Variants in IL12RB1 observed in about 807,000 individuals in gnomAD.
IL12RB1 encodes interleukin-12 receptor subunit beta-1.
Under a neutral mutation model 94.4 loss-of-function variants are expected in IL12RB1, and 64 were observed. The observed-to-expected ratio is 0.68, with a 90% CI of 0.55 to 0.83. IL12RB1 has a LOEUF of 0.83. IL12RB1 is among the 40% of genes least tolerant of loss of function. The pLI, the probability that IL12RB1 is intolerant of heterozygous loss-of-function variation, is 0.00. For synonymous variants in IL12RB1, 362 were observed against 355.5 expected, an observed-to-expected ratio of 1.02 and a Z score of -0.21; for missense variants, 814 against 855.6, an observed-to-expected ratio of 0.95 and a Z score of 0.61.
rs150902462 is a variant in IL12RB1, at chr19:18,097,071, T to C, written c.-230+1684A>G. On this transcript the variant is annotated intron_variant, in intron 1 of 4. Transcript: ENST00000594176. The stretch of plus-strand genomic sequence containing the variant: ...GTTTTTAAAATATTATTTCTCTTGA[T>C]GGCTGAGTTTTGTGGGGCCACCTTA... 2.2e-3 allele frequency among the ~76,000 whole-genome samples: 330 copies of C among 152,310 alleles called. 1 individual carries two copies. The highest frequency in any genetic ancestry group is 0.01 in the Middle Eastern group (3 of 294).
upstream of IL12RB1, among the ~76,000 whole-genome samples, chr19:18,088,784 CTT>C (rs1477021326): frequency 6.6e-6 from 1 of 151,954 alleles, no homozygotes; most frequent in Non-Finnish European, 1.5e-5. Context: ...AATTCCAACA[CTT>C]TGGGAGGCCG....
chr19:18,077,762 A>T, intron 4 of IL12RB1, 107 bp from the exon 5 acceptor site: 1 of 758,840 alleles, frequency 1.3e-6, no homozygotes, highest in East Asian at 2.5e-5. Context: ...CCTAAATATG[A>T]ATTAGGGGAC....
intron 2 of IL12RB1, among the ~76,000 whole-genome samples, chr19:18,082,519 G>T (rs562993619): frequency 2.7e-5 from 4 of 150,698 alleles, no homozygotes; most frequent in Admixed American, 1.3e-4. Flanking sequence ...GTTTTTTTTT[G>T]GGGGGTCCCC....
intron 3 of IL12RB1, 143 bp from the exon 4 acceptor site, chr19:18,081,144 G>A: frequency 1.3e-6 from 1 of 755,506 alleles, no homozygotes; most frequent in Non-Finnish European, 2.2e-6. Context: ...CACCCAGGCT[G>A]GAGTGCAGTC....
chr19:18,065,024 A>C (rs537255717), intron 12 of IL12RB1, among the ~76,000 whole-genome samples: 127 of 152,144 alleles, frequency 8.3e-4, no homozygotes, highest in African/African-American at 3.0e-3. Context: ...TTCTGCATAA[A>C]CCGCCCCTTC....
rs536946712 is a variant in IL12RB1 at position 18,096,167 on chromosome 19, G to A, written c.-230+2588C>T. On this transcript the variant is annotated intron_variant, in intron 1 of 4. Coordinates refer to the IL12RB1 transcript ENST00000594176. ...TGAGGCAGGAAGATCGCTTGAGCCC[G>A]GGAGGTAGAGGCTGCAATGAGACAA... Among the ~76,000 whole-genome samples, 5 of 152,186 alleles carry A rather than the reference G, an allele frequency of 3.3e-5. No individual in the cohort carries two copies. The East Asian group carries it at 5.8e-4, about 18-fold the overall frequency.
chr19:18,074,388 G>A (rs139276670), intron 7 of IL12RB1, among the ~76,000 whole-genome samples: 50 of 152,238 alleles, frequency 3.3e-4, no homozygotes, highest in Non-Finnish European at 6.3e-4. Flanking sequence ...AGTACACCCT[G>A]CCACCTGCAG....
chr19:18,067,069 A>G (rs1185710731), intron 11 of IL12RB1, among the ~76,000 whole-genome samples: 1 of 149,902 alleles, frequency 6.7e-6, no homozygotes, highest in Non-Finnish European at 1.5e-5. Context: ...CATGCCTGCA[A>G]TCCCAGCATA....
At chr19:18,072,536 C>G (rs868395829) in intron 8 of IL12RB1, among the ~76,000 whole-genome samples, 187 bp from the exon 9 acceptor site, 2 of 152,126 alleles carry the variant, frequency 1.3e-5, no homozygotes, top group Non-Finnish European at 2.9e-5. Context: ...ATTCACCTCC[C>G]GCACACATCT....
chr19:18,082,031 G>A (rs2035947445), intron 3 of IL12RB1, 119 bp downstream of exon 3: 2 of 715,398 alleles, frequency 2.8e-6, no homozygotes, highest in Non-Finnish European at 5.1e-6. Context: ...AGAAACTGAA[G>A]CCCAGGAAGG....
At chr19:18,065,508 G>A (rs529273758) in intron 12 of IL12RB1, among the ~76,000 whole-genome samples, 1 of 152,254 alleles carries the variant, frequency 6.6e-6, no homozygotes, top group South Asian at 2.1e-4. Flanking sequence ...GATAGTTTGA[G>A]GCCAGAAGTT....
At chr19:18,071,568 C>G (rs776641787) in intron 9 of IL12RB1, among the ~76,000 whole-genome samples, 2 of 152,076 alleles carry the variant, frequency 1.3e-5, no homozygotes, top group Non-Finnish European at 1.5e-5. Flanking sequence ...AGAAAGATTG[C>G]TTGAGCCCAG....
rs560384669 is a variant in IL12RB1 at position 18,066,667 on chromosome 19, G to T, written c.1358C>A (p.Ser453Ter). 6.2e-7 allele frequency: 1 copy of T among 1,609,286 alleles called. No homozygotes were observed. The highest frequency in any genetic ancestry group is 1.1e-5 in the South Asian group (1 of 90,970). The change falls in exon 12 of 17, where the codon TCG becomes TAG. Residue 453 changes from serine (S) to a stop codon, truncating the protein, a stop_gained. Coordinates refer to ENST00000593993, the MANE Select transcript of IL12RB1 (RefSeq NM_005535.3). LOFTEE classifies it high-confidence loss of function. ...ASAAGTPHHV[S>*]VKNHSLDSVS... ...AGAGTCCAAGCTATGATTCTTCACC[G>T]AGACGTGGTGCGGTGTCCCAGCTGC...
chr19:18,069,513 G>A (rs780851137), intron 10 of IL12RB1, 33 bp downstream of exon 10: 48 of 1,570,820 alleles, frequency 3.1e-5, no homozygotes, highest in Non-Finnish European at 4.0e-5. Flanking sequence ...GGGCACAGAG[G>A]AGGGGTAGGC....
At chr19:18,074,543 T>C (rs1285964897) in intron 7 of IL12RB1, among the ~76,000 whole-genome samples, 3 of 151,582 alleles carry the variant, frequency 2.0e-5, no homozygotes, top group African/African-American at 7.3e-5. Context: ...AGGCCAGGAG[T>C]TCGAGACCAG....
chr19:18,081,880 A>T (rs930234455), intron 3 of IL12RB1, among the ~76,000 whole-genome samples: 6 of 137,574 alleles, frequency 4.4e-5, no homozygotes, highest in Admixed American at 7.2e-5. Flanking sequence ...GGATGGATGG[A>T]TGGATGGTTG....
intron 4 of IL12RB1, 50 bp from the exon 5 acceptor site, chr19:18,077,705 T>A (rs1208823170): frequency 1.6e-6 from 2 of 1,217,294 alleles, no homozygotes; most frequent in Non-Finnish European, 2.4e-6. Flanking sequence ...CGTATGTGAG[T>A]TAATGGGCCC....
Position 18,080,953 on chromosome 19 carries a change from C to A in IL12RB1, c.288G>T (p.Arg96Ser). 2 of 1,613,878 alleles carry A rather than the reference C, an allele frequency of 1.2e-6. No individual in the cohort carries two copies. The highest frequency in any genetic ancestry group is 8.5e-7 in the Non-Finnish European group (1 of 1,179,952). ...CCYFAAGSAT[R>S]LQFSDQAGVS... The stretch of plus-strand genomic sequence containing the variant: ...CCCCAGCCTGGTCGGAGAACTGCAG[C>A]CTGGTGGCTGAGCCGGCGGCGAAGT... The change falls in exon 4 of 17, where the codon AGG (arginine) becomes AGT (serine). Residue 96 changes from arginine to serine, a missense_variant. Coordinates refer to ENST00000593993, the MANE Select transcript of IL12RB1 (RefSeq NM_005535.3).
At position 18,061,113 on chromosome 19, in the gene IL12RB1, C is replaced by A; in HGVS notation, c.1791+9G>T. 6.7e-7 allele frequency: 1 copy of A among 1,486,856 alleles called. No homozygotes were observed. The highest frequency in any genetic ancestry group is 9.3e-7 in the Non-Finnish European group (1 of 1,069,560). The allele number at this position is 1,486,856 out of a possible 1,614,324, so 92.1% of individuals were successfully genotyped here. On this transcript the variant is annotated intron_variant, in intron 15 of 16. Transcript: ENST00000593993. ...TAAAAAGACTTGGAATTAGAAAAGG[C>A]ATCCTTACCTCCTTCCCTCCAGGGA...
Sources: allele counts gnomAD v4.1 joint callset (sites outside exome capture counted in the v4.1 genomes callset), GRCh38; gene constraint gnomAD v4.1.1; transcripts MANE v1.5; gene names NCBI Gene and HGNC (gene_info 2026-07-23, HGNC 2026-07-21).